The following DCC variants were observed in gnomAD, a reference collection of about 807,000 sequenced individuals.
DCC encodes the protein netrin receptor DCC.
DCC carries 58 observed loss-of-function variants against 172.5 expected under a neutral mutation model. The observed-to-expected ratio is 0.34, with a 90% CI of 0.27 to 0.42. DCC has a LOEUF of 0.42. DCC is among the 10% of genes least tolerant of loss of function. The pLI is 1.00. For missense variants in DCC, 1,740 were observed against 1,791.0 expected (o/e 0.97, Z 0.51); for synonymous variants, 709 against 644.5 (o/e 1.10, Z -1.52).
intron 1 of DCC, among the ~76,000 whole-genome samples, chr18:52,610,026 A>G (rs1308706178): frequency 6.7e-6 from 1 of 150,334 alleles, no homozygotes; most frequent in African/African-American, 2.5e-5. Flanking sequence ...TTAAAATACC[A>G]TCTAAGACTG....
At chr18:53,011,947 T>A (rs866605653) in intron 5 of DCC, among the ~76,000 whole-genome samples, 65 of 152,010 alleles carry the variant, frequency 4.3e-4, no homozygotes, top group African/African-American at 1.5e-3. Flanking sequence ...GGAAAACTAC[T>A]CAGTATCGCT....
chr18:52,497,273 AAAAAAAAATATATATAT>A (rs1186498549), intron 1 of DCC, among the ~76,000 whole-genome samples: 1 of 86,506 alleles, frequency 1.2e-5, no homozygotes, highest in Non-Finnish European at 2.2e-5. Flanking sequence ...AAAAAAAAAA[AAAAAAAAATATATATAT>A]ATATATATAT....
At chr18:52,593,836 A>T (rs2033852467) in intron 1 of DCC, among the ~76,000 whole-genome samples, 1 of 152,182 alleles carries the variant, frequency 6.6e-6, no homozygotes, top group Non-Finnish European at 1.5e-5. Context: ...GAGGGGCAAA[A>T]TCACCCCTCT....
chr18:53,226,591 T>G (rs2056032069), intron 12 of DCC, among the ~76,000 whole-genome samples: 1 of 151,992 alleles, frequency 6.6e-6, no homozygotes, highest in Non-Finnish European at 1.5e-5. Context: ...TTTCTTCAAT[T>G]CCAAGTTATA....
chr18:52,367,007 G>T (rs1416919716), intron 1 of DCC, among the ~76,000 whole-genome samples: 2 of 152,218 alleles, frequency 1.3e-5, no homozygotes, highest in African/African-American at 4.8e-5. Flanking sequence ...GAGTGGGTGG[G>T]AGGCTCAGGC....
chr18:53,405,096 T>A (rs1220047287), intron 19 of DCC, among the ~76,000 whole-genome samples: 1 of 150,790 alleles, frequency 6.6e-6, no homozygotes, highest in African/African-American at 2.4e-5. Context: ...GAAAATAGAA[T>A]GATAAAATAT....
chr18:53,304,440 C>G (rs2057176234), intron 12 of DCC, among the ~76,000 whole-genome samples: 1 of 152,022 alleles, frequency 6.6e-6, no homozygotes, highest in South Asian at 2.1e-4. Context: ...GAAGCATATA[C>G]CTGGTTGCCA....
chr18:53,187,714 T>C (rs1183834965), intron 9 of DCC, among the ~76,000 whole-genome samples: 1 of 152,208 alleles, frequency 6.6e-6, no homozygotes, highest in Non-Finnish European at 1.5e-5. Context: ...ACTTTAGCTA[T>C]TTTTCTTTAA....
At chr18:52,931,125 T>A (rs886866222) in intron 5 of DCC, among the ~76,000 whole-genome samples, 1 of 152,058 alleles carries the variant, frequency 6.6e-6, no homozygotes, top group African/African-American at 2.4e-5. Context: ...CAGGATTTGG[T>A]TGATATGCTG....
intron 1 of DCC, among the ~76,000 whole-genome samples, chr18:52,432,191 C>T (rs1255984734): frequency 6.6e-6 from 1 of 152,094 alleles, no homozygotes; most frequent in African/African-American, 2.4e-5. Context: ...TTATCTCCAC[C>T]GTGTTGCACG....
intron 2 of DCC, among the ~76,000 whole-genome samples, chr18:52,811,464 A>C (rs529334661): frequency 6.6e-6 from 1 of 152,336 alleles, no homozygotes; most frequent in African/African-American, 2.4e-5. Context: ...AATTGGGCAA[A>C]TAACTTATAT....
intron 17 of DCC, among the ~76,000 whole-genome samples, chr18:53,394,592 A>G (rs1210882592): frequency 2.0e-5 from 3 of 152,118 alleles, no homozygotes; most frequent in Non-Finnish European, 4.4e-5. Context: ...CTTACTAGAT[A>G]TAATATGGAT....
intron 5 of DCC, among the ~76,000 whole-genome samples, chr18:53,054,171 A>G (rs1023505363): frequency 6.6e-6 from 1 of 152,144 alleles, no homozygotes; most frequent in East Asian, 1.9e-4. Context: ...TGCTGTGTAA[A>G]TAGTTATTAA....
chr18:52,572,415 G>A (rs1339563521), intron 1 of DCC, among the ~76,000 whole-genome samples: 1 of 152,136 alleles, frequency 6.6e-6, no homozygotes, highest in African/African-American at 2.4e-5. Context: ...GGCAGCTTGA[G>A]CCTGTCTTTC....
intron 5 of DCC, among the ~76,000 whole-genome samples, chr18:53,023,703 T>A (rs1257819607): frequency 1.3e-5 from 2 of 152,170 alleles, no homozygotes; most frequent in Non-Finnish European, 2.9e-5. Context: ...ACTGTGATCT[T>A]TAAAATGGTT....
chr18:52,343,956 A>G (rs373973397), intron 1 of DCC, among the ~76,000 whole-genome samples: 36 of 152,260 alleles, frequency 2.4e-4, no homozygotes, highest in African/African-American at 7.9e-4. Flanking sequence ...AGTACCTGTC[A>G]GTGTCCATTT....
chr18:53,503,502 G>A (rs1232130650), intron 27 of DCC, among the ~76,000 whole-genome samples: 1 of 152,200 alleles, frequency 6.6e-6, no homozygotes, highest in East Asian at 2.0e-4. Flanking sequence ...AATCACAAAT[G>A]TAGACATGTA....
At chr18:53,205,080 C>G in intron 9 of DCC, 136 bp from the exon 10 acceptor site, 1 of 697,144 alleles carries the variant, frequency 1.4e-6, no homozygotes, top group Admixed American at 2.4e-5. Context: ...TTTTTATATT[C>G]TTATTCCATA....
intron 9 of DCC, among the ~76,000 whole-genome samples, chr18:53,185,439 A>G (rs899303191): frequency 1.3e-5 from 2 of 152,220 alleles, no homozygotes; most frequent in African/African-American, 4.8e-5. Flanking sequence ...CACAAGCCAC[A>G]TTGGTCTATT....
Sources: gnomAD v4.1 joint callset for allele counts (sites outside exome capture counted in the v4.1 genomes callset) on GRCh38, gnomAD v4.1.1 for gene constraint, MANE v1.5 for transcripts, NCBI Gene and HGNC (gene_info 2026-07-23, HGNC 2026-07-21) for gene names.